Variants in MTHFD2L observed in about 807,000 individuals in gnomAD.
The protein encoded by MTHFD2L is methylenetetrahydrofolate dehydrogenase (NADP+ dependent) 2 like, also known as bifunctional methylenetetrahydrofolate dehydrogenase/cyclohydrolase 2, mitochondrial.
In MTHFD2L, 29 loss-of-function variants were observed where a neutral mutation model predicts 34.9. The observed-to-expected ratio is 0.83, with a 90% confidence interval of 0.62 to 1.13. MTHFD2L has a LOEUF of 1.13. Among genes scored for constraint, MTHFD2L ranks in the 50% most tolerant of loss-of-function variants. The pLI, the probability that MTHFD2L is intolerant of heterozygous loss-of-function variation, is 0.00. For synonymous variants in MTHFD2L, 167 were observed against 155.7 expected (o/e 1.07, Z -0.54); for missense variants, 481 against 446.5 (o/e 1.08, Z -0.70).
At chr4:74,141,978 T>G (rs1199094681) in intron 1 of MTHFD2L, among the ~76,000 whole-genome samples, 1 of 152,208 alleles carries the variant, frequency 6.6e-6, no homozygotes, top group Non-Finnish European at 1.5e-5. Flanking sequence ...ATGAAATATG[T>G]AAATGGGAGA....
chr4:74,213,658 C>A (rs1736710713), intron 5 of MTHFD2L, among the ~76,000 whole-genome samples: 1 of 152,080 alleles, frequency 6.6e-6, no homozygotes, highest in African/African-American at 2.4e-5. Flanking sequence ...TCATTTTAAC[C>A]TTGGTGAATG....
At chr4:74,238,818 C>G (rs185864722) in intron 6 of MTHFD2L, among the ~76,000 whole-genome samples, 3 of 152,048 alleles carry the variant, frequency 2.0e-5, no homozygotes, top group African/African-American at 7.2e-5. Context: ...GAATGGCGAT[C>G]GTTAAAAAGT....
intron 6 of MTHFD2L, among the ~76,000 whole-genome samples, chr4:74,235,062 G>A (rs570329510): frequency 3.9e-5 from 6 of 152,208 alleles, no homozygotes; most frequent in Non-Finnish European, 8.8e-5. Flanking sequence ...CAAAATGACA[G>A]GTGCCTGTCT....
intron 7 of MTHFD2L, among the ~76,000 whole-genome samples, chr4:74,282,306 A>G (rs1393050072): frequency 6.6e-6 from 1 of 152,074 alleles, no homozygotes; most frequent in Non-Finnish European, 1.5e-5. Context: ...AGTAAAGTTA[A>G]GTGGTGACAT....
intron 3 of MTHFD2L, among the ~76,000 whole-genome samples, 158 bp from the exon 4 acceptor site, chr4:74,199,636 A>C (rs572523356): frequency 6.6e-6 from 1 of 150,894 alleles, no homozygotes; most frequent in African/African-American, 2.5e-5. Flanking sequence ...TTGGCTTACT[A>C]TTTTGGTGGC....
At chr4:74,129,934 A>G (rs1351360771) in intron 1 of MTHFD2L, among the ~76,000 whole-genome samples, 1 of 152,178 alleles carries the variant, frequency 6.6e-6, no homozygotes, top group African/African-American at 2.4e-5. Context: ...AATACAAACT[A>G]CCATCAGAGA....
intron 5 of MTHFD2L, among the ~76,000 whole-genome samples, chr4:74,213,126 C>G (rs1022817887): frequency 1.3e-5 from 2 of 152,034 alleles, no homozygotes; most frequent in Admixed American, 6.6e-5. Context: ...ATACAGCACA[C>G]TGATGGGTCT....
rs1294530097 is a variant in MTHFD2L, at chr4:74,267,303, TC to T, written c.806-14121del. The T allele has an allele frequency of 9.5e-6, 8 of 838,460 alleles. No individual in the cohort carries two copies. In the African/African-American group the frequency reaches 2.0e-4, roughly 21 times the overall value. The allele number at this position is 838,460 out of a possible 1,614,324, so 51.9% of individuals were successfully genotyped here. ...TCTATTCTATTCTTTTCTTTTCTTT[TC>T]TTTTCTTTCTTTCTCTTTCTCTCTT... is the stretch of plus-strand genomic sequence containing the variant. On this transcript the variant is annotated intron_variant, in intron 6 of 7. Coordinates refer to ENST00000325278, the MANE Select transcript of MTHFD2L (RefSeq NM_001144978.3).
rs532194010 is a variant in MTHFD2L at position 74,165,546 on chromosome 4, C to T, written c.143+7265C>T. On this transcript the variant is annotated intron_variant, in intron 1 of 7. Coordinates refer to ENST00000325278, the MANE Select transcript of MTHFD2L (RefSeq NM_001144978.3). ...CTAATTTTTCTATTTTTAGTAGAGA[C>T]GGGGTTTCACCATATTGGTCAGGCT... is the stretch of plus-strand genomic sequence containing the variant. Among the ~76,000 whole-genome samples the T allele has an allele frequency of 5.8e-4, 88 of 152,176 alleles. 2 individuals carry two copies. The South Asian group carries it at 0.017, about 30-fold the overall frequency.
intron 6 of MTHFD2L, among the ~76,000 whole-genome samples, chr4:74,237,273 GT>G (rs1299154600): frequency 1.3e-5 from 2 of 152,132 alleles, no homozygotes; most frequent in Non-Finnish European, 2.9e-5. Context: ...TTATATTTGT[GT>G]TTCTTGTACC....
chr4:74,155,787 A>G (rs1214823021), upstream of MTHFD2L, among the ~76,000 whole-genome samples: 1 of 152,064 alleles, frequency 6.6e-6, no homozygotes, highest in African/African-American at 2.4e-5. Context: ...ATGCAACAGG[A>G]GTAAAGAATA....
At chr4:74,260,546 G>A (rs1294040423) in intron 6 of MTHFD2L, among the ~76,000 whole-genome samples, 3 of 151,924 alleles carry the variant, frequency 2.0e-5, no homozygotes, top group Admixed American at 1.3e-4. Flanking sequence ...AAAATAGTAA[G>A]CAGAATACTT....
At chr4:74,274,306 A>T (rs1746347037) in intron 6 of MTHFD2L, among the ~76,000 whole-genome samples, 1 of 152,110 alleles carries the variant, frequency 6.6e-6, no homozygotes, top group African/African-American at 2.4e-5. Context: ...AAGTTATTCA[A>T]ATCTGGTCAA....
chr4:74,148,053 T>A (rs1578256811), intron 1 of MTHFD2L, among the ~76,000 whole-genome samples: 1 of 152,168 alleles, frequency 6.6e-6, no homozygotes, highest in East Asian at 1.9e-4. Context: ...TGGTATGGCA[T>A]AAGGGTCCAA....
intron 6 of MTHFD2L, among the ~76,000 whole-genome samples, chr4:74,279,966 A>G (rs1747216963): frequency 1.3e-5 from 2 of 152,096 alleles, no homozygotes; most frequent in African/African-American, 4.8e-5. Flanking sequence ...AGTAAAAATC[A>G]TGTTACAAGG....
chr4:74,198,964 TATA>T (rs1472717906), intron 3 of MTHFD2L, among the ~76,000 whole-genome samples: 2 of 152,192 alleles, frequency 1.3e-5, no homozygotes, highest in African/African-American at 2.4e-5. Flanking sequence ...CTTGGACTTT[TATA>T]ATGTTTTAAA....
At chr4:74,239,345 G>A (rs1368974242) in intron 6 of MTHFD2L, among the ~76,000 whole-genome samples, 3 of 152,160 alleles carry the variant, frequency 2.0e-5, no homozygotes, top group South Asian at 2.1e-4. Context: ...TAGTTTGGGG[G>A]GGCAGAGGGA....
chr4:74,220,470 A>G (rs1257423839), intron 5 of MTHFD2L, among the ~76,000 whole-genome samples: 1 of 151,872 alleles, frequency 6.6e-6, no homozygotes, highest in East Asian at 1.9e-4. Context: ...ACATACTTCC[A>G]AAAAGTTCAT....
chr4:74,206,368 G>A (rs1219746212), intron 5 of MTHFD2L, among the ~76,000 whole-genome samples: 4 of 152,048 alleles, frequency 2.6e-5, no homozygotes, highest in African/African-American at 9.7e-5. Flanking sequence ...TTAACCAGGG[G>A]CCTTGAAGTA....
Sources: gnomAD v4.1 joint callset for allele counts (sites outside exome capture counted in the v4.1 genomes callset) on GRCh38, gnomAD v4.1.1 for gene constraint, MANE v1.5 for transcripts, NCBI Gene and HGNC (gene_info 2026-07-23, HGNC 2026-07-21) for gene names.